The following CCDC91 variants were observed in gnomAD, a reference collection of about 807,000 sequenced individuals.
CCDC91 encodes the protein coiled-coil domain containing 91.
Under a neutral mutation model 63.2 loss-of-function variants are expected in CCDC91, and 48 were observed. That is an observed-to-expected ratio of 0.76 (90% CI 0.60 to 0.97). The LOEUF is 0.97. Ranked by LOEUF, CCDC91 falls within the 50% of genes least tolerant of loss-of-function variation. The probability of loss-of-function intolerance (pLI) is 0.00; values close to 1 mark genes in which losing one functional copy is unlikely to be tolerated. For missense variants in CCDC91, 500 were observed against 494.6 expected, an observed-to-expected ratio of 1.01 and a Z score of -0.10; for synonymous variants, 167 against 165.8, an observed-to-expected ratio of 1.01 and a Z score of -0.06.
At chr12:28,481,832 A>G (rs1298142392) in intron 11 of CCDC91, among the ~76,000 whole-genome samples, 1 of 151,988 alleles carries the variant, frequency 6.6e-6, no homozygotes, top group Non-Finnish European at 1.5e-5. Flanking sequence ...GGAATGGTAG[A>G]GCCTCAAAAA....
intron 6 of CCDC91, among the ~76,000 whole-genome samples, chr12:28,359,789 C>CTTTTTTTTTTTTTTTTTT (rs1565853581): frequency 6.6e-6 from 1 of 150,518 alleles, no homozygotes; most frequent in African/African-American, 2.5e-5. Flanking sequence ...TTTCTATTTA[C>CTTTTTTTTTTTTTTTTTT]TTTTAAAATC....
At chr12:28,453,390 C>A (rs1033263607) in intron 11 of CCDC91, among the ~76,000 whole-genome samples, 1 of 151,958 alleles carries the variant, frequency 6.6e-6, no homozygotes, top group African/African-American at 2.4e-5. Context: ...AAATATACTA[C>A]AATTGTTCAT....
chr12:28,230,854 G>C (rs562600875), intron 1 of CCDC91, among the ~76,000 whole-genome samples: 5 of 152,066 alleles, frequency 3.3e-5, no homozygotes, highest in Non-Finnish European at 7.4e-5. Context: ...CGAACTCCTG[G>C]ACTCAAGTGA....
At chr12:28,234,238 A>T (rs1291390780) in intron 1 of CCDC91, among the ~76,000 whole-genome samples, 1 of 152,148 alleles carries the variant, frequency 6.6e-6, no homozygotes, top group Non-Finnish European at 1.5e-5. Context: ...TTAGACCCAA[A>T]TCTTTTCTAT....
chr12:28,259,778 A>G (rs904892168), intron 3 of CCDC91, among the ~76,000 whole-genome samples: 22 of 152,040 alleles, frequency 1.4e-4, no homozygotes, highest in African/African-American at 5.3e-4. Flanking sequence ...ATTCCTTTTT[A>G]TAGTCCAAAA....
intron 6 of CCDC91, among the ~76,000 whole-genome samples, chr12:28,357,660 G>T (rs1022835460): frequency 1.3e-5 from 2 of 152,026 alleles, no homozygotes; most frequent in Non-Finnish European, 2.9e-5. Flanking sequence ...AGGGTTTGCT[G>T]TGCCCTTATT....
At chr12:28,510,614 A>C (rs1475531942) in intron 12 of CCDC91, among the ~76,000 whole-genome samples, 1 of 151,900 alleles carries the variant, frequency 6.6e-6, no homozygotes, top group Admixed American at 6.6e-5. Context: ...TCTCATTTAT[A>C]AACACCCTTA....
At chr12:28,509,506 A>G (rs1280739569) in intron 12 of CCDC91, among the ~76,000 whole-genome samples, 1 of 151,934 alleles carries the variant, frequency 6.6e-6, no homozygotes, top group African/African-American at 2.4e-5. Flanking sequence ...TAGGAGTATA[A>G]TACACATCAA....
chr12:28,476,853 TA>T (rs1276646217), intron 11 of CCDC91, among the ~76,000 whole-genome samples: 20 of 152,170 alleles, frequency 1.3e-4, no homozygotes, highest in African/African-American at 4.8e-4. Context: ...TCTATGCAAA[TA>T]AACTAGAAAA....
intron 8 of CCDC91, among the ~76,000 whole-genome samples, chr12:28,392,173 T>TACAC (rs1945989216): frequency 2.0e-5 from 3 of 152,032 alleles, no homozygotes; most frequent in African/African-American, 7.2e-5. Flanking sequence ...GAAGAGGAAA[T>TACAC]ACACAGAGAA....
intron 8 of CCDC91, among the ~76,000 whole-genome samples, chr12:28,422,150 G>A (rs7139180): frequency 0.013 from 1,942 of 152,064 alleles, 48 homozygotes; most frequent in African/African-American, 0.044. Context: ...ACATTTAGAC[G>A]GATATTGAGG....
At chr12:28,408,544 A>G (rs1423780777) in intron 8 of CCDC91, among the ~76,000 whole-genome samples, 1 of 152,194 alleles carries the variant, frequency 6.6e-6, no homozygotes, top group African/African-American at 2.4e-5. Flanking sequence ...ATGACCAGGG[A>G]TGATGAGCTT....
chr12:28,454,239 G>A (rs1949955046), intron 11 of CCDC91, among the ~76,000 whole-genome samples: 1 of 152,040 alleles, frequency 6.6e-6, no homozygotes. Context: ...CTATATGTTG[G>A]TTTCTATGCA....
intron 1 of CCDC91, among the ~76,000 whole-genome samples, chr12:28,193,194 C>A (rs990660514): frequency 6.6e-6 from 1 of 152,136 alleles, no homozygotes; most frequent in Non-Finnish European, 1.5e-5. Flanking sequence ...CATTCATGTG[C>A]TGTTCTTTGT....
intron 3 of CCDC91, 56 bp from the exon 4 acceptor site, chr12:28,305,593 C>T (rs1938622269): frequency 1.4e-6 from 2 of 1,442,980 alleles, no homozygotes; most frequent in Non-Finnish European, 1.9e-6. Context: ...AACCTGTTCC[C>T]TCTCTGTTTT....
At chr12:28,452,164 T>A (rs1158506413) in intron 10 of CCDC91, among the ~76,000 whole-genome samples, 1 of 151,490 alleles carries the variant, frequency 6.6e-6, no homozygotes, top group Non-Finnish European at 1.5e-5. Context: ...ATAAACAAAA[T>A]CTCTTTGATA....
At chr12:28,479,623 T>TA (rs1050546837) in intron 11 of CCDC91, among the ~76,000 whole-genome samples, 9 of 151,684 alleles carry the variant, frequency 5.9e-5, no homozygotes, top group South Asian at 2.1e-4. Flanking sequence ...TAAAAATATA[T>TA]AAAAAAAATA....
chr12:28,227,407 A>G (rs1296744257), intron 1 of CCDC91, among the ~76,000 whole-genome samples: 1 of 152,068 alleles, frequency 6.6e-6, no homozygotes, highest in Non-Finnish European at 1.5e-5. Flanking sequence ...GGTGATTTCT[A>G]AATATGTTTA....
At chr12:28,480,594 C>T (rs772167755) in intron 11 of CCDC91, among the ~76,000 whole-genome samples, 2 of 152,032 alleles carry the variant, frequency 1.3e-5, no homozygotes, top group African/African-American at 2.4e-5. Flanking sequence ...TGTATCTCAT[C>T]TTTGCACCTC....
Sources: allele counts gnomAD v4.1 joint callset (sites outside exome capture counted in the v4.1 genomes callset), GRCh38; gene constraint gnomAD v4.1.1; transcripts MANE v1.5; gene names NCBI Gene and HGNC (gene_info 2026-07-23, HGNC 2026-07-21).